The following NEDD4L variants were observed in gnomAD, a reference collection of about 807,000 sequenced individuals.
NEDD4L encodes NEDD4 like E3 ubiquitin protein ligase, also known as E3 ubiquitin-protein ligase NEDD4-like.
A neutral mutation model predicts 148.9 loss-of-function variants in NEDD4L; 54 were observed. The ratio of observed to expected loss-of-function variants is 0.36; its 90% confidence interval spans 0.29 to 0.45. The LOEUF is 0.45. Among genes scored for constraint, NEDD4L ranks in the 20% least tolerant of loss-of-function variants. NEDD4L has a pLI of 1.00. For missense variants in NEDD4L, 856 were observed against 1,233.8 expected (o/e 0.69, Z 4.59); for synonymous variants, 433 against 440.7 (o/e 0.98, Z 0.22).
chr18:58,182,128 G>A (rs1189683982), intron 2 of NEDD4L, among the ~76,000 whole-genome samples: 1 of 152,158 alleles, frequency 6.6e-6, no homozygotes, highest in Non-Finnish European at 1.5e-5. Flanking sequence ...AGGGGCAGGG[G>A]AAAGAGTCCA....
chr18:58,233,221 TAATA>T, intron 2 of NEDD4L, among the ~76,000 whole-genome samples: 1 of 152,144 alleles, frequency 6.6e-6, no homozygotes, highest in African/African-American at 2.4e-5. Flanking sequence ...ATCAAACTAA[TAATA>T]ATAATAATAA....
intron 2 of NEDD4L, among the ~76,000 whole-genome samples, chr18:58,207,003 C>G (rs2042049325): frequency 6.6e-6 from 1 of 152,198 alleles, no homozygotes; most frequent in South Asian, 2.1e-4. Flanking sequence ...CCCTGTTGTC[C>G]TTTGCATTGT....
At chr18:58,214,936 C>T (rs774652541) in intron 2 of NEDD4L, among the ~76,000 whole-genome samples, 5 of 151,622 alleles carry the variant, frequency 3.3e-5, no homozygotes, top group Admixed American at 6.6e-5. Context: ...CTCAGCCTCC[C>T]GAGTAGCTGG....
At chr18:58,247,104 A>C (rs971255425) in intron 3 of NEDD4L, among the ~76,000 whole-genome samples, 3 of 152,174 alleles carry the variant, frequency 2.0e-5, no homozygotes, top group African/African-American at 7.2e-5. Context: ...ATGGGTTACT[A>C]TGATTTTTTT....
At chr18:58,270,179 G>A (rs539419847) in intron 5 of NEDD4L, among the ~76,000 whole-genome samples, 2 of 152,312 alleles carry the variant, frequency 1.3e-5, no homozygotes, top group East Asian at 1.9e-4. Context: ...ATAACTCCAC[G>A]TCTTGAAAGT....
chr18:58,161,320 C>T (rs1213149685), intron 1 of NEDD4L, among the ~76,000 whole-genome samples: 7 of 152,260 alleles, frequency 4.6e-5, no homozygotes, highest in Non-Finnish European at 8.8e-5. Flanking sequence ...CATGAGCCAC[C>T]GTACCCGGCA....
At chr18:58,193,504 T>A (rs1361615907) in intron 2 of NEDD4L, among the ~76,000 whole-genome samples, 1 of 152,240 alleles carries the variant, frequency 6.6e-6, no homozygotes, top group Non-Finnish European at 1.5e-5. Context: ...CCCCCTGATC[T>A]TTTTTAGAAA....
At chr18:58,183,953 A>G (rs532757649) in intron 2 of NEDD4L, among the ~76,000 whole-genome samples, 1 of 152,196 alleles carries the variant, frequency 6.6e-6, no homozygotes, top group South Asian at 2.1e-4. Flanking sequence ...GCGGATCATG[A>G]GGTCAGGAGA....
intron 2 of NEDD4L, among the ~76,000 whole-genome samples, chr18:58,168,855 CT>C (rs1229473435): frequency 6.6e-6 from 1 of 152,208 alleles, no homozygotes; most frequent in African/African-American, 2.4e-5. Flanking sequence ...GGGACTCCAA[CT>C]CCTTTGTTTC....
chr18:58,106,089 G>T (rs1022211141), intron 1 of NEDD4L, among the ~76,000 whole-genome samples: 1 of 152,242 alleles, frequency 6.6e-6, no homozygotes, highest in Non-Finnish European at 1.5e-5. Flanking sequence ...AGTGAGAGGA[G>T]CAGCTGTTCT....
intron 2 of NEDD4L, among the ~76,000 whole-genome samples, chr18:58,181,382 G>A (rs530131091): frequency 1.8e-4 from 27 of 152,264 alleles, no homozygotes; most frequent in African/African-American, 6.3e-4. Context: ...AAATGTTTAT[G>A]AATCAGAGCT....
chr18:58,243,962 A>G (rs2046948337), intron 2 of NEDD4L, among the ~76,000 whole-genome samples: 1 of 152,236 alleles, frequency 6.6e-6, no homozygotes, highest in African/African-American at 2.4e-5. Flanking sequence ...ACACACGTGA[A>G]CACACATATG....
chr18:58,106,988 A>G (rs577568758), intron 1 of NEDD4L, among the ~76,000 whole-genome samples: 109 of 152,170 alleles, frequency 7.2e-4, no homozygotes, highest in Non-Finnish European at 9.8e-4. Context: ...TATTTTTTTA[A>G]TATAATCTTG....
chr18:58,287,011 A>G (rs1160066218), intron 5 of NEDD4L, among the ~76,000 whole-genome samples: 2 of 152,122 alleles, frequency 1.3e-5, no homozygotes, highest in African/African-American at 4.8e-5. Flanking sequence ...GCAGGGTAAC[A>G]TTTATACAAA....
chr18:58,232,838 G>T (rs1418633896), intron 2 of NEDD4L, among the ~76,000 whole-genome samples: 1 of 152,094 alleles, frequency 6.6e-6, no homozygotes, highest in African/African-American at 2.4e-5. Flanking sequence ...GAGTTGAGGG[G>T]AAACTTTTGC....
chr18:58,379,174 G>A (rs2047989552), intron 24 of NEDD4L, among the ~76,000 whole-genome samples: 1 of 152,208 alleles, frequency 6.6e-6, no homozygotes, highest in Non-Finnish European at 1.5e-5. Context: ...TCTGCAGACT[G>A]CTCACCAGGG....
At chr18:58,284,832 C>T (rs2053655071) in intron 5 of NEDD4L, among the ~76,000 whole-genome samples, 1 of 152,150 alleles carries the variant, frequency 6.6e-6, no homozygotes, top group Non-Finnish European at 1.5e-5. Context: ...GGAGTGATGT[C>T]ATTAACCCCA....
At chr18:58,218,468 C>T (rs999132999) in intron 2 of NEDD4L, among the ~76,000 whole-genome samples, 1 of 152,120 alleles carries the variant, frequency 6.6e-6, no homozygotes, top group Non-Finnish European at 1.5e-5. Flanking sequence ...TGAAAGCATC[C>T]TCTCCTACTG....
intron 1 of NEDD4L, among the ~76,000 whole-genome samples, chr18:58,129,053 C>T (rs1210102526): frequency 4.6e-5 from 7 of 152,172 alleles, no homozygotes; most frequent in East Asian, 1.9e-4. Flanking sequence ...ATCCAGATCA[C>T]GCATTTGAGA....
Sources: gnomAD v4.1 joint callset for allele counts (sites outside exome capture counted in the v4.1 genomes callset) on GRCh38, gnomAD v4.1.1 for gene constraint, MANE v1.5 for transcripts, NCBI Gene and HGNC (gene_info 2026-07-23, HGNC 2026-07-21) for gene names.